The following ATAD1 variants were observed in gnomAD, a reference collection of about 807,000 sequenced individuals.
ATAD1 encodes the protein outer mitochondrial transmembrane helix translocase.
ATAD1 carries 18 observed loss-of-function variants against 42.7 expected under a neutral mutation model. The observed-to-expected ratio is 0.42, with a 90% confidence interval of 0.29 to 0.63. ATAD1 has a LOEUF of 0.63. ATAD1 is among the 20% of genes least tolerant of loss of function. ATAD1 has a pLI of 0.19. For missense variants in ATAD1, 294 were observed against 440.4 expected, an observed-to-expected ratio of 0.67 and a Z score of 2.98; for synonymous variants, 132 against 143.1, an observed-to-expected ratio of 0.92 and a Z score of 0.55.
chr10:87,784,444 A>G (rs1298591672), intron 5 of ATAD1, 26 bp downstream of exon 5: 2 of 1,601,132 alleles, frequency 1.2e-6, no homozygotes, highest in Non-Finnish European at 8.5e-7. Flanking sequence ...GCCTTTAAAA[A>G]TACTCATATA....
chr10:87,816,787 G>A (rs1857436561), intron 1 of ATAD1, among the ~76,000 whole-genome samples: 2 of 152,166 alleles, frequency 1.3e-5, no homozygotes, highest in African/African-American at 4.8e-5. Context: ...ACTACGTGGG[G>A]TATACTCACA....
In ATAD1 at chr10:87,756,869, T is replaced by C. The variant is rs753470426; in HGVS notation, c.885A>G (p.Ser295=). 1.2e-6 allele frequency: 2 copies of C among 1,612,622 alleles called. No individual in the cohort carries two copies. Among genetic ancestry groups the C allele is most frequent in the East Asian group, 4.5e-5 (2 of 44,764 alleles). Reference sequence around the variant, plus strand: ...GACACATCTCTTTTAGGTCACTTCCTGAAAACCCATCAGTTTCCTGGGCAA... The same window carrying C: ...GACACATCTCTTTTAGGTCACTTCCCGAAAACCCATCAGTTTCCTGGGCAA... The part of the protein sequence containing the change: ...LEVAQETDGF[S]GSDLKEMCRD... Residue 295 remains serine (S), a synonymous_variant, in exon 9 of 10, where the codon TCA becomes TCG. Coordinates refer to ENST00000680024, the MANE Select transcript of ATAD1 (RefSeq NM_001321967.2).
chr10:87,767,802 G>T lies in ATAD1; in HGVS notation c.781-79C>A, dbSNP rs913369616. ...GATCAAGTAGTGTTCCTAATATTTT[G>T]TCCCTTCTAAAGTCTCTCTCAATAC... On this transcript the variant is annotated intron_variant, in intron 7 of 9. Transcript: ENST00000680024. 1.6e-5 allele frequency: 23 copies of T among 1,396,804 alleles called. 1 individual carries two copies. The highest frequency in any genetic ancestry group is 1.4e-4 in the South Asian group (11 of 78,624). 86.5% of individuals were successfully genotyped at this position (1,396,804 alleles called of 1,614,324 possible). A position where few individuals can be genotyped will look rare whatever the true frequency, so the allele number is the denominator to read the frequency against.
upstream of ATAD1, among the ~76,000 whole-genome samples, chr10:87,822,738 G>A (rs1857653836): frequency 6.6e-6 from 1 of 152,080 alleles, no homozygotes; most frequent in Non-Finnish European, 1.5e-5. Context: ...ACAGCAAGGT[G>A]ACTACAGTCA....
intron 2 of ATAD1, among the ~76,000 whole-genome samples, chr10:87,807,463 A>G (rs1052228230): frequency 6.6e-6 from 1 of 152,182 alleles, no homozygotes; most frequent in Non-Finnish European, 1.5e-5. Flanking sequence ...CGTTATTGAC[A>G]GACTTAAAAC....
chr10:87,762,973 T>C (rs1854561828), intron 8 of ATAD1, among the ~76,000 whole-genome samples: 1 of 141,850 alleles, frequency 7.0e-6, no homozygotes, highest in Non-Finnish European at 1.5e-5. Flanking sequence ...CCCAGCTACT[T>C]AGGTGGCTGA....
At chr10:87,821,748 CCAGA>C (rs1857635199), upstream of ATAD1, among the ~76,000 whole-genome samples, 1 of 152,300 alleles carries the variant, frequency 6.6e-6, no homozygotes, top group East Asian at 1.9e-4. Context: ...GATACCCTCA[CCAGA>C]CAGAGTATAT....
chr10:87,770,687 T>C (rs889380965), intron 7 of ATAD1, among the ~76,000 whole-genome samples: 9 of 152,200 alleles, frequency 5.9e-5, no homozygotes, highest in African/African-American at 2.2e-4. Context: ...GATGACTTCC[T>C]ATATCCTAAA....
chr10:87,803,089 C>G (rs780903285), intron 2 of ATAD1, among the ~76,000 whole-genome samples: 18 of 152,194 alleles, frequency 1.2e-4, no homozygotes, highest in Admixed American at 2.0e-4. Flanking sequence ...GACATATGGA[C>G]TTCAGGTAAT....
chr10:87,754,379 G>A lies in ATAD1; in HGVS notation c.*308C>T, dbSNP rs1854129100. On this transcript the variant is annotated 3_prime_UTR_variant, in exon 10 of 10. Transcript: ENST00000680024. The stretch of plus-strand genomic sequence containing the variant: ...AACCACATCCCCGTTTCTCACTAAT[G>A]ACCCAATGAATCATTTATGACTTTA... The A allele has an allele frequency of 5.6e-6, 1 of 179,250 alleles. No homozygotes were observed. Among genetic ancestry groups the A allele is most frequent in the South Asian group, 1.7e-4 (1 of 5,824 alleles). The allele number at this position is 179,250 out of a possible 1,614,324, so 11.1% of individuals were successfully genotyped here.
chr10:87,818,336 A>G (rs149048797), upstream of ATAD1: 3,783 of 855,724 alleles, frequency 4.4e-3, 25 homozygotes, highest in Middle Eastern at 0.034. Flanking sequence ...GCTTAGAAAC[A>G]GTGAGGGAGA....
chr10:87,782,586 C>G (rs184054743), intron 5 of ATAD1, among the ~76,000 whole-genome samples: 1 of 152,144 alleles, frequency 6.6e-6, no homozygotes, highest in Non-Finnish European at 1.5e-5. Context: ...TTACCCTTGA[C>G]TTTTAAGTTG....
intron 2 of ATAD1, among the ~76,000 whole-genome samples, chr10:87,797,471 G>T (rs1024429195): frequency 6.6e-6 from 1 of 151,346 alleles, no homozygotes. Flanking sequence ...TCTAGAGAAG[G>T]TTTCTAATGA....
chr10:87,804,719 C>A (rs569393865), intron 2 of ATAD1, among the ~76,000 whole-genome samples: 63 of 152,204 alleles, frequency 4.1e-4, no homozygotes, highest in African/African-American at 1.5e-3. Flanking sequence ...TATAAATTCC[C>A]AAGACAGTTA....
chr10:87,830,692 A>G (rs1346612784), intron 1 of ATAD1, among the ~76,000 whole-genome samples: 2 of 152,118 alleles, frequency 1.3e-5, no homozygotes, highest in Non-Finnish European at 2.9e-5. Context: ...GGAGTAAGAA[A>G]CTCCTTACCT....
rs1028987468 is a variant in ATAD1, at chr10:87,836,220, G to C, written c.-14+4967C>G. Among the ~76,000 whole-genome samples, 6 of 151,966 alleles carry C rather than the reference G, an allele frequency of 3.9e-5. No individual in the cohort carries two copies. In the South Asian group the frequency reaches 1.2e-3, roughly 32 times the overall value. ...AGCCCACTGTAACCTCAAACTCCTG[G>C]GCTAAAAGTGATCCTCCCACCTCAG... On this transcript the variant is annotated intron_variant, in intron 1 of 4. Transcript: ENST00000495903.
intron 6 of ATAD1, among the ~76,000 whole-genome samples, chr10:87,773,396 A>C (rs1168384490): frequency 2.0e-5 from 3 of 152,182 alleles, no homozygotes; most frequent in African/African-American, 7.2e-5. Context: ...CTTGGTGACC[A>C]TATTACAAGA....
At chr10:87,823,128 A>G (rs1857661654), upstream of ATAD1, among the ~76,000 whole-genome samples, 1 of 151,682 alleles carries the variant, frequency 6.6e-6, no homozygotes, top group Admixed American at 6.6e-5. Flanking sequence ...TTCAAAGAAC[A>G]TATTGCTGTA....
intron 1 of ATAD1, among the ~76,000 whole-genome samples, chr10:87,833,969 G>GC (rs1857885293): frequency 6.6e-6 from 1 of 152,048 alleles, no homozygotes; most frequent in Admixed American, 6.5e-5. Context: ...GCCTGCCTTA[G>GC]CCTCCCAAAG....
Sources: gnomAD v4.1 joint callset for allele counts (sites outside exome capture counted in the v4.1 genomes callset) on GRCh38, gnomAD v4.1.1 for gene constraint, MANE v1.5 for transcripts, NCBI Gene and HGNC (gene_info 2026-07-23, HGNC 2026-07-21) for gene names.